Variants in SRCAP observed in about 807,000 individuals in gnomAD.
SRCAP encodes the protein Snf2 related CREBBP activator protein.
In SRCAP, 46 loss-of-function variants were observed where a neutral mutation model predicts 263.1. That is an observed-to-expected ratio of 0.17 (90% CI 0.14 to 0.22). SRCAP has a LOEUF of 0.22. Ranked by LOEUF, SRCAP falls within the 10% of genes least tolerant of loss-of-function variation. SRCAP has a pLI of 1.00. For synonymous variants in SRCAP, 1,813 were observed against 1,662.1 expected (o/e 1.09, Z -2.21); for missense variants, 3,695 against 4,181.9 (o/e 0.88, Z 3.21).
At chr16:30,723,300 C>G (rs1161737460) in intron 24 of SRCAP, 71 bp downstream of exon 24, 2 of 1,524,370 alleles carry the variant, frequency 1.3e-6, no homozygotes, top group Non-Finnish European at 1.8e-6. Flanking sequence ...CTCAAGGTTT[C>G]TTAGTTTTAG....
At position 30,734,554 on chromosome 16, in the gene SRCAP, C is replaced by T. The variant is rs1022917677; in HGVS notation, c.6668C>T (p.Pro2223Leu). ...GAGGAACCTTCTAGCTCATCCGTGC[C>T]CTCTGCCCCTGAAGAGGAGGAAGAG... ...PLEEPSSSSV[P>L]SAPEEEEETV... The change falls in exon 31 of 34, where the codon CCC becomes CTC. Residue 2223 changes from proline to leucine, a missense_variant. Transcript: ENST00000262518. 6 of 1,613,842 alleles carry T rather than the reference C, an allele frequency of 3.7e-6. No homozygotes were observed. Among genetic ancestry groups the T allele is most frequent in the African/African-American group, 1.3e-5 (1 of 74,840 alleles).
At position 30,711,914 on chromosome 16, in the gene SRCAP, G is replaced by C. The variant is rs750432014; in HGVS notation, c.1572G>C (p.Glu524Asp). 2 of 1,613,818 alleles carry C rather than the reference G, an allele frequency of 1.2e-6. No homozygotes were observed. The highest frequency in any genetic ancestry group is 2.2e-5 in the South Asian group (2 of 91,080). The change falls in exon 12 of 34, where the codon GAG becomes GAC. Residue 524 changes from glutamate (E) to aspartate (D), a missense_variant. This residue lies in a region of SRCAP where 288 missense variants were observed against 302.4 expected (regional missense o/e 0.95). Transcript: ENST00000262518. ...AAACAAGTGGAAGTTCAGCATCAGA[G>C]GAATCTGAGTCTGAAGAGTCTGAGG... ...EEETSGSSAS[E>D]ESESEESEDA... is the part of the protein sequence containing the mutation.
At chr16:30,705,925 C>T (rs1282061741) in intron 4 of SRCAP, among the ~76,000 whole-genome samples, 3 of 151,888 alleles carry the variant, frequency 2.0e-5, no homozygotes, top group African/African-American at 7.3e-5. Context: ...AAGATGGTCT[C>T]GATCTCCTGA....
At chr16:30,707,748 G>A (rs763757740) in intron 6 of SRCAP, 36 bp downstream of exon 6, 4 of 1,611,240 alleles carry the variant, frequency 2.5e-6, no homozygotes, top group East Asian at 4.5e-5. Context: ...AAATGGCCTT[G>A]GATTAGATTG....
At chr16:30,717,668 A>G (rs1054473042) in intron 18 of SRCAP, among the ~76,000 whole-genome samples, 42 of 126,000 alleles carry the variant, frequency 3.3e-4, no homozygotes, top group African/African-American at 1.2e-3. Flanking sequence ...GCTGGAGTGC[A>G]GTGGTGCCAT....
chr16:30,703,149 C>CTATA lies in SRCAP; in HGVS notation c.55-899_55-896dup, dbSNP rs368190667. The stretch of plus-strand genomic sequence containing the variant: ...AACGATCAGAATTTGAAATCATATG[C>CTATA]TATATATATATATATATATGTATGT... On this transcript the variant is annotated intron_variant, in intron 3 of 33. Coordinates refer to ENST00000262518, the MANE Select transcript of SRCAP (RefSeq NM_006662.3). 3.6e-3 allele frequency among the ~76,000 whole-genome samples: 521 copies of CTATA among 143,396 alleles called. 4 individuals carry two copies. Among genetic ancestry groups the CTATA allele is most frequent in the African/African-American group, 9.1e-3 (351 of 38,718 alleles). 94.1% of individuals were successfully genotyped at this position (143,396 alleles called of 152,430 possible).
At position 30,714,519 on chromosome 16, in the gene SRCAP, T is replaced by TTTTTTTTTTTTA. The variant is rs71149046; in HGVS notation, c.2493+808_2493+809insTTTTTTTTTTTA. 4.1e-5 allele frequency among the ~76,000 whole-genome samples: 6 copies of TTTTTTTTTTTTA among 144,984 alleles called. 1 individual carries two copies. The highest frequency in any genetic ancestry group is 7.7e-5 in the African/African-American group (3 of 39,210). ...CCACCGTGCCGGGCTTTTTTTTTTT[T>TTTTTTTTTTTTA]GAGACAGAGTCTCTCTCTGTCACCC... is the stretch of plus-strand genomic sequence containing the variant. On this transcript the variant is annotated intron_variant, in intron 16 of 33. Transcript: ENST00000262518.
intron 18 of SRCAP, among the ~76,000 whole-genome samples, chr16:30,718,547 C>G (rs1057392536): frequency 4.0e-5 from 6 of 148,938 alleles, no homozygotes; most frequent in Non-Finnish European, 8.9e-5. Flanking sequence ...GATGTCAGCT[C>G]ACTGTAACCT....
intron 21 of SRCAP, 48 bp downstream of exon 21, chr16:30,721,524 C>T: frequency 6.3e-7 from 1 of 1,584,464 alleles, no homozygotes; most frequent in South Asian, 1.1e-5. Context: ...GGGAGGAAAG[C>T]TCAGGACCAT....
chr16:30,738,362 C>G lies in SRCAP; in HGVS notation c.8322C>G (p.Ala2774=). Residue 2774 remains alanine, a synonymous_variant, in exon 34 of 34, where the codon GCC becomes GCG. Coordinates refer to ENST00000262518, the MANE Select transcript of SRCAP (RefSeq NM_006662.3). ...VRRRRQQRGA[A]STLVPGVSET... Reference sequence around the variant, plus strand: ...GGCGGCGGCAGCAGCGGGGAGCTGCCAGCACCCTAGTGCCTGGGGTCTCTG... The same window carrying G: ...GGCGGCGGCAGCAGCGGGGAGCTGCGAGCACCCTAGTGCCTGGGGTCTCTG... The G allele has an allele frequency of 1.9e-6, 3 of 1,566,370 alleles. No individual in the cohort carries two copies. The highest frequency in any genetic ancestry group is 2.6e-6 in the Non-Finnish European group (3 of 1,156,142).
In SRCAP at chr16:30,709,434, A is replaced by G. The variant is rs1054837442; in HGVS notation, c.634-79A>G. 3.4e-6 allele frequency: 5 copies of G among 1,484,792 alleles called. No homozygotes were observed. The African/African-American group carries it at 5.6e-5, about 16-fold the overall frequency. 92.0% of individuals were successfully genotyped at this position (1,484,792 alleles called of 1,614,324 possible). On this transcript the variant is annotated intron_variant, in intron 6 of 33. Transcript: ENST00000262518. ...GGCCAGCCCAGGATCTGGTTAAAGA[A>G]GGTCTCCCTAAACATCGGGTAAAAG...
Position 30,738,101 on chromosome 16 carries a change from A to G in SRCAP, c.8061A>G (p.Pro2687=). ...AGGCCAAGACCCCAACCTCCAGCCC[A>G]GAGAAGCCACAGGAACTCGTTACAG... is the stretch of plus-strand genomic sequence containing the variant. ...LTEAKTPTSS[P]EKPQELVTAE... is the part of the protein sequence containing the mutation. Residue 2687 remains proline, a synonymous_variant, in exon 34 of 34, where the codon CCA becomes CCG. Transcript: ENST00000262518. 6.2e-7 allele frequency: 1 copy of G among 1,614,146 alleles called. No individual in the cohort carries two copies. Among genetic ancestry groups the G allele is most frequent in the South Asian group, 1.1e-5 (1 of 91,084 alleles).
Position 30,733,573 on chromosome 16 carries a change from G to C in SRCAP, c.6298-29G>C, listed in dbSNP as rs1336614537. Reference sequence around the variant, plus strand: ...CCTGTTTTGGGGGATAAGTCTCCCAGTATCATCTTTTTTTCCCTTTCCTTC... The same window carrying C: ...CCTGTTTTGGGGGATAAGTCTCCCACTATCATCTTTTTTTCCCTTTCCTTC... On this transcript the variant is annotated intron_variant, in intron 28 of 33. Coordinates refer to ENST00000262518, the MANE Select transcript of SRCAP (RefSeq NM_006662.3). The surrounding 1 kb of genome is among the most constrained non-coding windows in gnomAD (Gnocchi z 5.3). The C allele has an allele frequency of 6.2e-7, 1 of 1,605,256 alleles. No homozygotes were observed. Among genetic ancestry groups the C allele is most frequent in the East Asian group, 2.2e-5 (1 of 44,756 alleles).
At chr16:30,711,183 C>A in intron 10 of SRCAP, 95 bp downstream of exon 10, 1 of 915,742 alleles carries the variant, frequency 1.1e-6, no homozygotes. Flanking sequence ...TTGTATCCAC[C>A]CTGGAGGAAT....
chr16:30,725,802 T>TA (rs2053058966), intron 25 of SRCAP: 1 of 152,118 alleles, frequency 6.6e-6, no homozygotes, highest in Non-Finnish European at 1.5e-5. Context: ...GTTTTTTTTT[T>TA]AAATACAGAT....
intron 25 of SRCAP, among the ~76,000 whole-genome samples, chr16:30,728,721 C>T (rs1276174532): frequency 6.6e-6 from 1 of 152,082 alleles, no homozygotes; most frequent in East Asian, 1.9e-4. Context: ...TCAGTTTTCT[C>T]TAGGAGAGAA....
chr16:30,733,881 C>T lies in SRCAP; in HGVS notation c.6495-13C>T. ...TATTTGGCTGCTTACACACGGCCTT[C>T]ATCACCCCCTAGGCTTATCAGTGAA... On this transcript the variant is annotated splice_polypyrimidine_tract_variant and intron_variant, in intron 29 of 33. Transcript: ENST00000262518. This position sits in a 1 kb window ranked among gnomAD's most constrained non-coding sequence, Gnocchi z 5.3. The T allele has an allele frequency of 6.2e-7, 1 of 1,613,538 alleles. No homozygotes were observed. Among genetic ancestry groups the T allele is most frequent in the South Asian group, 1.1e-5 (1 of 91,010 alleles).
At position 30,712,080 on chromosome 16, in the gene SRCAP, C is replaced by T. The variant is rs150430346; in HGVS notation, c.1738C>T (p.Pro580Ser). The T allele has an allele frequency of 6.2e-6, 10 of 1,613,922 alleles. No homozygotes were observed. Among genetic ancestry groups the T allele is most frequent in the Non-Finnish European group, 6.8e-6 (8 of 1,180,018 alleles). Residue 580 changes from proline to serine, a missense_variant, in exon 12 of 34, where the codon CCA (proline) becomes TCA (serine). By Grantham distance (74) the Pro-to-Ser change is moderately conservative. Around this residue, in one of 12 missense-constraint regions of SRCAP, gnomAD observed 288 missense variants for 302.4 expected, o/e 0.95. Transcript: ENST00000262518. ...PPTPGPTTLGPKKEITDIAAA... is the reference protein window; with the variant it reads ...PPTPGPTTLGSKKEITDIAAA... The stretch of plus-strand genomic sequence containing the variant: ...TACTCCAGGGCCCACTACTCTAGGT[C>T]CAAAGAAAGAAATTACTGACATTGC...
In SRCAP at chr16:30,704,127, T is replaced by G; in HGVS notation, c.118T>G (p.Ser40Ala). ...CCCTGCCTCATCCAGTTCCCCAGCC[T>G]CTAGTGGGGCAGGCGGCATCTCCCC... ...VSPASSSSPA[S>A]SGAGGISPQH... Residue 40 changes from serine to alanine, a missense_variant, in exon 4 of 34, where the codon TCT (serine) becomes GCT (alanine). Coordinates refer to ENST00000262518, the MANE Select transcript of SRCAP (RefSeq NM_006662.3). 6.2e-7 allele frequency: 1 copy of G among 1,614,104 alleles called. No individual in the cohort carries two copies.
Sources: allele counts gnomAD v4.1 joint callset (sites outside exome capture counted in the v4.1 genomes callset), GRCh38; gene constraint gnomAD v4.1.1; regional missense constraint gnomAD v4.1.1; non-coding constraint Gnocchi (gnomAD v3.1); transcripts MANE v1.5; gene names NCBI Gene and HGNC (gene_info 2026-07-23, HGNC 2026-07-21).